The following AUTS2 variants were observed in gnomAD, a reference collection of about 807,000 sequenced individuals.
AUTS2 encodes the protein autism susceptibility gene 2 protein.
AUTS2 carries 17 observed loss-of-function variants against 112.4 expected under a neutral mutation model. That is an observed-to-expected ratio of 0.15 (90% CI 0.10 to 0.23). AUTS2 has a LOEUF of 0.23. Ranked by LOEUF, AUTS2 falls within the 10% of genes least tolerant of loss-of-function variation. The pLI is 1.00. For missense variants in AUTS2, 1,510 were observed against 1,701.6 expected, an observed-to-expected ratio of 0.89 and a Z score of 1.98; for synonymous variants, 751 against 702.7, an observed-to-expected ratio of 1.07 and a Z score of -1.09.
intron 1 of AUTS2, among the ~76,000 whole-genome samples, chr7:69,766,610 C>T (rs1260856396): frequency 6.6e-6 from 1 of 152,136 alleles, no homozygotes; most frequent in East Asian, 1.9e-4. Context: ...CTTGAGTTGT[C>T]CCTAGGTAAG....
chr7:70,092,189 A>T (rs1403622561), intron 2 of AUTS2, among the ~76,000 whole-genome samples: 1 of 152,110 alleles, frequency 6.6e-6, no homozygotes, highest in Non-Finnish European at 1.5e-5. Context: ...GCTTTGACAG[A>T]TGAAAAGGAA....
At chr7:70,421,285 C>G (rs924205133) in intron 4 of AUTS2, among the ~76,000 whole-genome samples, 1 of 148,108 alleles carries the variant, frequency 6.8e-6, no homozygotes, top group Non-Finnish European at 1.5e-5. Context: ...TCCCCCCCAA[C>G]CCTTCTGCTA....
At chr7:70,571,235 C>T (rs1023221843) in intron 5 of AUTS2, among the ~76,000 whole-genome samples, 3 of 152,134 alleles carry the variant, frequency 2.0e-5, no homozygotes, top group African/African-American at 7.2e-5. Context: ...AGAAGTAGAA[C>T]TTTGGGTGGA....
At chr7:69,894,629 G>C (rs1794669347) in intron 1 of AUTS2, among the ~76,000 whole-genome samples, 1 of 152,104 alleles carries the variant, frequency 6.6e-6, no homozygotes, top group Non-Finnish European at 1.5e-5. Flanking sequence ...GTCTAGAAAC[G>C]AGAAAATTTC....
intron 4 of AUTS2, among the ~76,000 whole-genome samples, chr7:70,179,720 T>C (rs1392709956): frequency 6.6e-6 from 1 of 152,188 alleles, no homozygotes; most frequent in East Asian, 1.9e-4. Flanking sequence ...TTTTCTGATC[T>C]AGAGGGAATT....
rs1413644298 is a variant in AUTS2, at chr7:70,789,862, T to A, written c.2646T>A (p.Thr882=). Residue 882 remains threonine (T), a synonymous_variant, in exon 19 of 19, where the codon ACT becomes ACA. Coordinates refer to ENST00000342771, the MANE Select transcript of AUTS2 (RefSeq NM_015570.4). ...STEQIRAHLN[T]EAREKDKPKE... is the part of the protein sequence containing the mutation. Reference sequence around the variant, plus strand: ...AACAGATCCGGGCTCATCTGAACACTGAGGCTCGGGAGAAGGACAAACCCA... The same window carrying A: ...AACAGATCCGGGCTCATCTGAACACAGAGGCTCGGGAGAAGGACAAACCCA... 3 of 1,613,954 alleles carry A rather than the reference T, an allele frequency of 1.9e-6. No homozygotes were observed. The highest frequency in any genetic ancestry group is 2.5e-6 in the Non-Finnish European group (3 of 1,179,988).
At chr7:70,630,145 C>T (rs1805181532) in intron 5 of AUTS2, among the ~76,000 whole-genome samples, 1 of 152,150 alleles carries the variant, frequency 6.6e-6, no homozygotes, top group South Asian at 2.1e-4. Context: ...GCCTCCTCTG[C>T]GTGTGCCAGG....
chr7:70,166,410 T>C (rs1413044839), intron 4 of AUTS2, among the ~76,000 whole-genome samples: 1 of 152,168 alleles, frequency 6.6e-6, no homozygotes, highest in Non-Finnish European at 1.5e-5. Context: ...ATGGGGTTTA[T>C]AACATGTTAA....
At chr7:70,615,762 T>A (rs902526586) in intron 5 of AUTS2, among the ~76,000 whole-genome samples, 6 of 149,726 alleles carry the variant, frequency 4.0e-5, no homozygotes, top group Admixed American at 2.0e-4. Flanking sequence ...TCTGTTCAAA[T>A]TTTTTTTTTG....
intron 1 of AUTS2, among the ~76,000 whole-genome samples, chr7:69,870,628 A>C (rs1793454637): frequency 6.6e-6 from 1 of 151,630 alleles, no homozygotes; most frequent in Non-Finnish European, 1.5e-5. Context: ...TACTTGTCTT[A>C]CACTTCTTAC....
At position 69,969,850 on chromosome 7, in the gene AUTS2, C is replaced by T. The variant is rs540785133; in HGVS notation, c.522+70352C>T. 3.9e-5 allele frequency among the ~76,000 whole-genome samples: 6 copies of T among 152,158 alleles called. No homozygotes were observed. The East Asian group carries it at 1.2e-3, about 29-fold the overall frequency. On this transcript the variant is annotated intron_variant, in intron 2 of 18. Coordinates refer to ENST00000342771, the MANE Select transcript of AUTS2 (RefSeq NM_015570.4). ...AAGATATTTCTGCTGTGATGTTTGT[C>T]CAAAACTATAAGAAAATACATCACA... is the stretch of plus-strand genomic sequence containing the variant.
In AUTS2 at chr7:70,491,410, G is replaced by A. The variant is rs145528653; in HGVS notation, c.690+55629G>A. Among the ~76,000 whole-genome samples, 726 of 119,874 alleles carry A rather than the reference G, an allele frequency of 6.1e-3. 2 individuals carry two copies. Among genetic ancestry groups the A allele is most frequent in the Middle Eastern group, 0.016 (4 of 258 alleles). 78.6% of individuals were successfully genotyped at this position (119,874 alleles called of 152,430 possible). ...AAGTTAAATGACTTGGTGTGTGTGCGTGTGTGTATACACACACACACACAC... is the reference window on the plus strand; with the variant it reads ...AAGTTAAATGACTTGGTGTGTGTGCATGTGTGTATACACACACACACACAC... On this transcript the variant is annotated intron_variant, in intron 5 of 18. Coordinates refer to ENST00000342771, the MANE Select transcript of AUTS2 (RefSeq NM_015570.4).
At chr7:69,666,404 T>C (rs1796044657) in intron 1 of AUTS2, among the ~76,000 whole-genome samples, 1 of 152,226 alleles carries the variant, frequency 6.6e-6, no homozygotes, top group Non-Finnish European at 1.5e-5. Flanking sequence ...GTTGATCAAA[T>C]ACTATTACTC....
chr7:70,672,300 A>G (rs964358297), intron 5 of AUTS2, among the ~76,000 whole-genome samples: 1 of 152,252 alleles, frequency 6.6e-6, no homozygotes, highest in Non-Finnish European at 1.5e-5. Context: ...GGGATACCTG[A>G]AGAATCTCAA....
chr7:70,071,522 C>T (rs1363577484), intron 2 of AUTS2, among the ~76,000 whole-genome samples: 1 of 152,156 alleles, frequency 6.6e-6, no homozygotes, highest in African/African-American at 2.4e-5. Context: ...TGCTTATCAT[C>T]GACACAGTAG....
At chr7:69,785,290 TC>T in intron 1 of AUTS2, among the ~76,000 whole-genome samples, 1 of 152,372 alleles carries the variant, frequency 6.6e-6, no homozygotes, top group Middle Eastern at 3.4e-3. Flanking sequence ...ATATTCAGAC[TC>T]ACATAGCTAG....
chr7:69,726,899 A>C (rs2129224134), intron 1 of AUTS2, among the ~76,000 whole-genome samples: 1 of 152,156 alleles, frequency 6.6e-6, no homozygotes, highest in East Asian at 1.9e-4. Context: ...AGGGCTCTTT[A>C]TATACTTTGG....
intron 9 of AUTS2, among the ~76,000 whole-genome samples, chr7:70,767,168 T>A (rs999968935): frequency 6.6e-6 from 1 of 152,228 alleles, no homozygotes; most frequent in African/African-American, 2.4e-5. Context: ...AGGCCATTAC[T>A]ATAGGCATTG....
At position 69,752,080 on chromosome 7, in the gene AUTS2, C is replaced by T. The variant is rs117789861; in HGVS notation, c.310-147206C>T. On this transcript the variant is annotated intron_variant, in intron 1 of 18. Transcript: ENST00000342771. ...AATCCACCCCCCGCCCCACACCCGGCCTTAATGCCCAGACAGTGCCCCTGT... is the reference window on the plus strand; with the variant it reads ...AATCCACCCCCCGCCCCACACCCGGTCTTAATGCCCAGACAGTGCCCCTGT... 1.9e-3 allele frequency among the ~76,000 whole-genome samples: 287 copies of T among 152,298 alleles called. 8 individuals carry two copies. The East Asian group carries it at 0.05, about 27-fold the overall frequency.
Sources: allele counts gnomAD v4.1 joint callset (sites outside exome capture counted in the v4.1 genomes callset), GRCh38; gene constraint gnomAD v4.1.1; transcripts MANE v1.5; gene names NCBI Gene and HGNC (gene_info 2026-07-23, HGNC 2026-07-21).